The following ZC4H2 variants were observed in gnomAD, a reference collection of about 807,000 sequenced individuals.
ZC4H2 encodes the protein zinc finger C4H2 domain-containing protein.
For missense variants in ZC4H2, 137 were observed against 173.9 expected, an observed-to-expected ratio of 0.79 and a Z score of 1.19; for synonymous variants, 84 against 66.3, an observed-to-expected ratio of 1.27 and a Z score of -1.30.
intron 1 of ZC4H2, among the ~76,000 whole-genome samples, chrX:64,954,333 TATATAATTATATA>T: frequency 1.3e-5 from 1 of 75,138 alleles, no homozygotes; most frequent in Non-Finnish European, 2.2e-5. Context: ...TATATATATA[TATATAATTATATA>T]TATATATAAT....
chrX:64,991,838 C>T (rs1296677591), intron 1 of ZC4H2, among the ~76,000 whole-genome samples: 1 of 112,109 alleles, frequency 8.9e-6, no homozygotes, highest in Non-Finnish European at 1.9e-5. Flanking sequence ...AAACATTATT[C>T]ATCCATAAAA....
chrX:65,015,770 T>G (rs1043687358), intron 1 of ZC4H2, among the ~76,000 whole-genome samples: 2 of 112,208 alleles, frequency 1.8e-5, no homozygotes, highest in Non-Finnish European at 3.8e-5. Flanking sequence ...AATACTTTCA[T>G]GAGTTCTAGA....
At chrX:64,976,183 C>T in intron 1 of ZC4H2, 142 bp downstream of exon 1, 2 of 644,711 alleles carry the variant, frequency 3.1e-6, no homozygotes, top group Non-Finnish European at 5.0e-6. Flanking sequence ...AGCGCCCCTC[C>T]CATCCTCACC....
intron 2 of ZC4H2, 42 bp downstream of exon 2, chrX:64,921,775 T>C: frequency 8.4e-7 from 1 of 1,191,142 alleles, no homozygotes; most frequent in Non-Finnish European, 1.1e-6. Context: ...CCACTACCTC[T>C]TTCTCAAAGG....
chrX:64,937,116 G>A (rs1331852226), intron 1 of ZC4H2, among the ~76,000 whole-genome samples: 1 of 110,590 alleles, frequency 9.0e-6, no homozygotes, highest in Non-Finnish European at 1.9e-5. Context: ...AGCTGGGGTT[G>A]CAATCCTAAT....
intron 1 of ZC4H2, among the ~76,000 whole-genome samples, chrX:65,025,541 C>T (rs1397359070): frequency 1.8e-5 from 2 of 111,347 alleles, no homozygotes; most frequent in Non-Finnish European, 3.8e-5. Flanking sequence ...AGAAATATAC[C>T]ACTCCTCAGC....
intron 1 of ZC4H2, among the ~76,000 whole-genome samples, chrX:64,993,532 G>A (rs746282752): frequency 8.9e-6 from 1 of 111,782 alleles, no homozygotes; most frequent in Non-Finnish European, 1.9e-5. Flanking sequence ...TAAAGTTACA[G>A]TGAGAAGACA....
intron 1 of ZC4H2, among the ~76,000 whole-genome samples, chrX:64,946,035 C>A (rs751139667): frequency 6.3e-5 from 7 of 111,149 alleles, no homozygotes; most frequent in Non-Finnish European, 1.3e-4. Flanking sequence ...GTGGGACCTG[C>A]TAAGCGAGAT....
upstream of ZC4H2, among the ~76,000 whole-genome samples, chrX:64,978,862 T>C (rs138124998): frequency 4.7e-3 from 527 of 111,380 alleles, 4 homozygotes; most frequent in African/African-American, 0.016. Context: ...AGGGTTTGTA[T>C]GGGATGTGTG....
rs183716071 is a variant in ZC4H2, at chrX:64,993,821, C to A, written c.-272+40808G>T. ...GAAGAAATGTTTGAGCACTTATGTG[C>A]AAACACTCTGCTTGGTGCTTTACCT... is the stretch of plus-strand genomic sequence containing the variant. On this transcript the variant is annotated intron_variant, in intron 1 of 4. Coordinates refer to the ZC4H2 transcript ENST00000337990. Among the ~76,000 whole-genome samples the A allele has an allele frequency of 2.7e-5, 3 of 112,110 alleles. No homozygotes were observed. In the East Asian group the frequency reaches 8.4e-4, roughly 32 times the overall value.
intron 1 of ZC4H2, among the ~76,000 whole-genome samples, chrX:65,026,634 G>A (rs1315789276): frequency 8.1e-5 from 9 of 110,514 alleles, no homozygotes; most frequent in East Asian, 2.9e-4. Flanking sequence ...GCGTGAACCC[G>A]GGTGGCAAAG....
chrX:64,987,228 G>A (rs1206857557), intron 1 of ZC4H2, among the ~76,000 whole-genome samples: 2 of 110,927 alleles, frequency 1.8e-5, no homozygotes, highest in African/African-American at 6.6e-5. Context: ...GTGCCTGGCC[G>A]ACACAGACAA....
intron 1 of ZC4H2, among the ~76,000 whole-genome samples, chrX:64,994,158 G>A (rs974914832): frequency 9.8e-5 from 11 of 112,237 alleles, no homozygotes; most frequent in African/African-American, 3.6e-4. Flanking sequence ...CTTTCATTGA[G>A]TGATTAGTAT....
chrX:64,956,301 G>C lies in ZC4H2; in HGVS notation c.53+20024C>G, dbSNP rs755511117. ...TTCTTTAATCTATTTAATTTTAAGT[G>C]GTTTGATTTATGGGAACCCTGGGTA... On this transcript the variant is annotated intron_variant, in intron 1 of 4. Coordinates refer to ENST00000374839, the MANE Select transcript of ZC4H2 (RefSeq NM_018684.4). Among the ~76,000 whole-genome samples, 9 of 111,318 alleles carry C rather than the reference G, an allele frequency of 8.1e-5. No individual in the cohort carries two copies. The South Asian group carries it at 3.4e-3, about 43-fold the overall frequency.
intron 1 of ZC4H2, among the ~76,000 whole-genome samples, chrX:64,991,466 C>T (rs764174460): frequency 1.2e-4 from 13 of 111,631 alleles, no homozygotes; most frequent in Admixed American, 9.5e-5. Context: ...AATCCAACTA[C>T]TTGGGAGGCT....
intron 1 of ZC4H2, among the ~76,000 whole-genome samples, chrX:64,971,884 T>C (rs376198744): frequency 8.9e-6 from 1 of 111,828 alleles, no homozygotes; most frequent in Admixed American, 9.5e-5. Context: ...TCTTTGTGTA[T>C]GGATATGTGT....
chrX:64,958,375 C>T (rs1002085620), intron 1 of ZC4H2, among the ~76,000 whole-genome samples: 3 of 109,209 alleles, frequency 2.7e-5, no homozygotes, highest in African/African-American at 1.1e-4. Flanking sequence ...TGGCACATGC[C>T]TGTATATGTG....
At chrX:64,929,005 C>T (rs1929612029) in intron 1 of ZC4H2, among the ~76,000 whole-genome samples, 1 of 107,427 alleles carries the variant, frequency 9.3e-6, no homozygotes, top group East Asian at 2.9e-4. Context: ...TCTCATGCCT[C>T]AGCCTCCCAA....
At chrX:64,928,856 T>C (rs959219388) in intron 1 of ZC4H2, among the ~76,000 whole-genome samples, 27 of 100,370 alleles carry the variant, frequency 2.7e-4, no homozygotes, top group African/African-American at 8.9e-4. Context: ...TCCTCCTCCT[T>C]CTCCTTCTTC....
Sources: gnomAD v4.1 joint callset for allele counts (sites outside exome capture counted in the v4.1 genomes callset) on GRCh38, gnomAD v4.1.1 for gene constraint, MANE v1.5 for transcripts, NCBI Gene and HGNC (gene_info 2026-07-23, HGNC 2026-07-21) for gene names.